Variants in FMN2 observed in about 807,000 individuals in gnomAD.
The protein encoded by FMN2 is formin-2.
A neutral mutation model predicts 142.3 loss-of-function variants in FMN2; 51 were observed. That is an observed-to-expected ratio of 0.36 (90% CI 0.29 to 0.45). The LOEUF (loss-of-function observed/expected upper bound fraction) is 0.45. Among genes scored for constraint, FMN2 ranks in the 20% least tolerant of loss-of-function variants. The probability of loss-of-function intolerance (pLI) is 1.00; values close to 1 mark genes in which losing one functional copy is unlikely to be tolerated. For synonymous variants in FMN2, 882 were observed against 869.8 expected (o/e 1.01, Z -0.25); for missense variants, 1,936 against 2,122.8 (o/e 0.91, Z 1.73).
At chr1:240,263,138 C>T (rs546245232) in intron 7 of FMN2, among the ~76,000 whole-genome samples, 1 of 152,262 alleles carries the variant, frequency 6.6e-6, no homozygotes, top group Admixed American at 6.5e-5. Context: ...ACTGAACCCT[C>T]CCCCACACAC....
At chr1:240,175,368 T>C (rs1042001720) in intron 2 of FMN2, among the ~76,000 whole-genome samples, 1 of 152,226 alleles carries the variant, frequency 6.6e-6, no homozygotes, top group African/African-American at 2.4e-5. Context: ...CTGGATCATA[T>C]AGTAATTCTA....
At chr1:240,148,285 G>A (rs1435473845) in intron 2 of FMN2, among the ~76,000 whole-genome samples, 1 of 44,752 alleles carries the variant, frequency 2.2e-5, no homozygotes, top group East Asian at 5.8e-4. Flanking sequence ...GACAGAGACA[G>A]AGACAGACAG....
chr1:240,106,991 G>A (rs1661640583), intron 1 of FMN2, among the ~76,000 whole-genome samples: 1 of 151,656 alleles, frequency 6.6e-6, no homozygotes, highest in Non-Finnish European at 1.5e-5. Context: ...GCCTTTTCCA[G>A]GAGGATTTTT....
At chr1:240,255,009 C>T (rs1383802867) in intron 6 of FMN2, among the ~76,000 whole-genome samples, 1 of 152,160 alleles carries the variant, frequency 6.6e-6, no homozygotes, top group African/African-American at 2.4e-5. Context: ...CCAATGTTAG[C>T]CTCAGGGCCT....
intron 14 of FMN2, among the ~76,000 whole-genome samples, chr1:240,381,762 G>A (rs948279694): frequency 6.6e-6 from 1 of 152,096 alleles, no homozygotes; most frequent in Admixed American, 6.6e-5. Context: ...AAGGCATTCA[G>A]TAAAATCCAA....
chr1:240,471,047 A>C (rs1676789267), intron 16 of FMN2, among the ~76,000 whole-genome samples: 1 of 152,248 alleles, frequency 6.6e-6, no homozygotes, highest in Non-Finnish European at 1.5e-5. Context: ...GGGTACAAGA[A>C]CATTACCGGT....
intron 2 of FMN2, among the ~76,000 whole-genome samples, chr1:240,140,953 C>CTT (rs1336128866): frequency 6.6e-6 from 1 of 152,142 alleles, no homozygotes; most frequent in East Asian, 1.9e-4. Context: ...TCCAAAATAG[C>CTT]TTTGACAGAG....
chr1:240,236,947 A>T (rs1667731934), intron 6 of FMN2, among the ~76,000 whole-genome samples: 1 of 152,210 alleles, frequency 6.6e-6, no homozygotes, highest in Non-Finnish European at 1.5e-5. Flanking sequence ...TTTGGGTTTA[A>T]CTTTTTATGG....
intron 14 of FMN2, among the ~76,000 whole-genome samples, chr1:240,382,176 G>A (rs1276027871): frequency 2.0e-5 from 3 of 152,178 alleles, no homozygotes; most frequent in Non-Finnish European, 4.4e-5. Flanking sequence ...TTCTGTACAC[G>A]ATTAACATTC....
chr1:240,329,189 G>C (rs6686257), intron 9 of FMN2, 22 bp downstream of exon 9: 2 of 1,613,220 alleles, frequency 1.2e-6, no homozygotes, highest in Admixed American at 3.3e-5. Context: ...TTATAACCAC[G>C]TAGAGGGCGT....
intron 4 of FMN2, among the ~76,000 whole-genome samples, chr1:240,197,386 G>A (rs544933031): frequency 2.0e-4 from 30 of 152,172 alleles, no homozygotes; most frequent in African/African-American, 7.0e-4. Context: ...GAGTTCTGTG[G>A]GCTGGTCTAA....
intron 4 of FMN2, among the ~76,000 whole-genome samples, chr1:240,197,619 T>G (rs1006331792): frequency 1.3e-5 from 2 of 152,174 alleles, no homozygotes; most frequent in Non-Finnish European, 2.9e-5. Flanking sequence ...GATTGCTTGC[T>G]GGAGGGACGA....
intron 6 of FMN2, among the ~76,000 whole-genome samples, chr1:240,244,654 A>G (rs1250171907): frequency 1.3e-5 from 2 of 152,210 alleles, no homozygotes; most frequent in East Asian, 3.8e-4. Context: ...CATTATTCAA[A>G]TACTTCCTTT....
At chr1:240,407,155 T>A (rs79945818) in intron 15 of FMN2, among the ~76,000 whole-genome samples, 1 of 151,510 alleles carries the variant, frequency 6.6e-6, no homozygotes, top group Admixed American at 6.6e-5. Flanking sequence ...TTTTTTTTTT[T>A]AAGACCAAGT....
At chr1:240,379,492 T>G (rs764504673) in intron 14 of FMN2, among the ~76,000 whole-genome samples, 4 of 152,208 alleles carry the variant, frequency 2.6e-5, no homozygotes, top group Non-Finnish European at 4.4e-5. Flanking sequence ...TTTAGTCATG[T>G]CAGCCTACCT....
At chr1:240,306,525 T>C (rs1488174488) in intron 8 of FMN2, among the ~76,000 whole-genome samples, 1 of 152,214 alleles carries the variant, frequency 6.6e-6, no homozygotes, top group Non-Finnish European at 1.5e-5. Context: ...GATATGTTTC[T>C]GCATATGGAA....
intron 6 of FMN2, among the ~76,000 whole-genome samples, chr1:240,223,044 G>A (rs904150981): frequency 3.3e-5 from 5 of 152,148 alleles, no homozygotes; most frequent in East Asian, 1.9e-4. Flanking sequence ...GGTGAGAGAG[G>A]GCATCCTTGT....
At chr1:240,267,994 T>G (rs1668874821) in intron 7 of FMN2, among the ~76,000 whole-genome samples, 1 of 151,954 alleles carries the variant, frequency 6.6e-6, no homozygotes, top group Non-Finnish European at 1.5e-5. Context: ...CAACAGATAC[T>G]AGCGAGGCTG....
chr1:240,439,672 G>A (rs1438728772), intron 16 of FMN2, among the ~76,000 whole-genome samples: 1 of 152,008 alleles, frequency 6.6e-6, no homozygotes, highest in African/African-American at 2.4e-5. Context: ...AAATATGAGA[G>A]CTTTCAGTTA....
Sources: gnomAD v4.1 joint callset for allele counts (sites outside exome capture counted in the v4.1 genomes callset) on GRCh38, gnomAD v4.1.1 for gene constraint, MANE v1.5 for transcripts, NCBI Gene and HGNC (gene_info 2026-07-23, HGNC 2026-07-21) for gene names.